DGKH: variants seen among roughly 807,000 people sequenced by gnomAD.
DGKH encodes the protein diacylglycerol kinase eta.
In DGKH, 90 loss-of-function variants were observed where a neutral mutation model predicts 159.3. The observed-to-expected ratio is 0.57, with a 90% CI of 0.48 to 0.67. DGKH has a LOEUF of 0.67. Among genes scored for constraint, DGKH ranks in the 30% least tolerant of loss-of-function variants. The probability of loss-of-function intolerance (pLI) is 0.00; values close to 1 mark genes in which losing one functional copy is unlikely to be tolerated. For synonymous variants in DGKH, 536 were observed against 553.8 expected, an observed-to-expected ratio of 0.97 and a Z score of 0.45; for missense variants, 1,181 against 1,506.1, an observed-to-expected ratio of 0.78 and a Z score of 3.57.
intron 7 of DGKH, among the ~76,000 whole-genome samples, chr13:42,161,417 G>C (rs1438305195): frequency 1.3e-5 from 2 of 152,176 alleles, no homozygotes; most frequent in African/African-American, 4.8e-5. Flanking sequence ...GGGAGGCCAA[G>C]GTGGGCGGAT....
intron 3 of DGKH, among the ~76,000 whole-genome samples, chr13:42,135,837 T>G (rs1955393132): frequency 6.6e-6 from 1 of 152,198 alleles, no homozygotes; most frequent in African/African-American, 2.4e-5. Flanking sequence ...ACAGAGTCCT[T>G]TCTATCTGGG....
In DGKH at chr13:42,095,020, A is replaced by T. The variant is rs965879262; in HGVS notation, c.193-32443A>T. On this transcript the variant is annotated intron_variant, in intron 1 of 29. Transcript: ENST00000337343. Reference sequence around the variant, plus strand: ...AGGAAAGGAAAAATTGGGCAGCAGGATATGAAGGGGCCATGGAAGGAGCGG... The same window carrying T: ...AGGAAAGGAAAAATTGGGCAGCAGGTTATGAAGGGGCCATGGAAGGAGCGG... Among the ~76,000 whole-genome samples the T allele has an allele frequency of 3.3e-5, 5 of 152,134 alleles. No homozygotes were observed. The East Asian group carries it at 5.8e-4, about 18-fold the overall frequency.
At chr13:42,045,957 T>C (rs984089761), upstream of DGKH, among the ~76,000 whole-genome samples, 1 of 152,190 alleles carries the variant, frequency 6.6e-6, no homozygotes, top group Non-Finnish European at 1.5e-5. Flanking sequence ...GACTTACACA[T>C]CTTCAGTCTA....
intron 12 of DGKH, 47 bp from the exon 13 acceptor site, chr13:42,178,088 A>G (rs1260709277): frequency 5.5e-6 from 8 of 1,458,484 alleles, no homozygotes; most frequent in Non-Finnish European, 6.6e-6. Context: ...AGTGAGTTGT[A>G]TAAATGCCAG....
chr13:42,170,232 C>T (rs1956413927), intron 11 of DGKH, among the ~76,000 whole-genome samples: 1 of 152,116 alleles, frequency 6.6e-6, no homozygotes. Flanking sequence ...TGGGTATGTG[C>T]TTTCCCCTCG....
At chr13:42,149,183 C>T (rs1955816172) in intron 3 of DGKH, among the ~76,000 whole-genome samples, 1 of 152,078 alleles carries the variant, frequency 6.6e-6, no homozygotes, top group South Asian at 2.1e-4. Context: ...CCCACGTTGG[C>T]CTCCTAAATT....
chr13:42,110,402 C>A (rs1249470528), intron 1 of DGKH, among the ~76,000 whole-genome samples: 1 of 152,166 alleles, frequency 6.6e-6, no homozygotes, highest in Non-Finnish European at 1.5e-5. Flanking sequence ...AAAAAACAAA[C>A]GTGATGTCTA....
intron 1 of DGKH, among the ~76,000 whole-genome samples, chr13:42,113,013 A>G (rs1301293048): frequency 3.3e-5 from 5 of 152,194 alleles, no homozygotes; most frequent in African/African-American, 1.2e-4. Context: ...TGTTCGGATC[A>G]TAGTTGAGTG....
chr13:42,159,935 T>C lies in DGKH; in HGVS notation c.730-76T>C, dbSNP rs560543755. The stretch of plus-strand genomic sequence containing the variant: ...ACTACTGACCCTCTAGAGTGAGAAA[T>C]GATTCAAAATCTCCCCTGGGGTAAG... On this transcript the variant is annotated intron_variant, in intron 6 of 29. Transcript: ENST00000337343. 11 of 1,606,512 alleles carry C rather than the reference T, an allele frequency of 6.8e-6. No homozygotes were observed. The South Asian group carries it at 1.2e-4, about 18-fold the overall frequency.
intron 1 of DGKH, among the ~76,000 whole-genome samples, chr13:42,050,398 A>G (rs566420789): frequency 6.6e-6 from 1 of 152,220 alleles, no homozygotes; most frequent in Middle Eastern, 3.4e-3. Context: ...CTGCCTCCTT[A>G]TTTTCTGAAA....
chr13:42,172,636 G>T (rs1956491888), intron 11 of DGKH, among the ~76,000 whole-genome samples: 2 of 152,070 alleles, frequency 1.3e-5, no homozygotes, highest in Admixed American at 1.3e-4. Context: ...TTAAGGTACT[G>T]CTTTTATTAT....
In DGKH at chr13:42,048,690, G is replaced by A. The variant is rs1880976090; in HGVS notation, c.-84G>A. On this transcript the variant is annotated 5_prime_UTR_variant, in exon 1 of 30. Coordinates refer to ENST00000337343, the MANE Select transcript of DGKH (RefSeq NM_178009.5). The surrounding 1 kb of genome is among the most constrained non-coding windows in gnomAD (Gnocchi z 6.7). The stretch of plus-strand genomic sequence containing the variant: ...GGCGGCGGCCGGGCACGGGGTTCCG[G>A]GCTCCGCTCGGGCAGAGCCCACCCG... 2 of 1,220,684 alleles carry A rather than the reference G, an allele frequency of 1.6e-6. No homozygotes were observed. The highest frequency in any genetic ancestry group is 6.6e-5 in the East Asian group (2 of 30,152). 75.6% of individuals were successfully genotyped at this position (1,220,684 alleles called of 1,614,324 possible).
chr13:42,228,548 G>A (rs1958195636), intron 29 of DGKH, among the ~76,000 whole-genome samples: 1 of 151,940 alleles, frequency 6.6e-6, no homozygotes. Flanking sequence ...GACTAATTGT[G>A]GGTGCCCTGC....
intron 13 of DGKH, among the ~76,000 whole-genome samples, chr13:42,183,175 GC>G (rs1956821415): frequency 6.6e-6 from 1 of 152,010 alleles, no homozygotes. Context: ...TGTAGTCCTA[GC>G]TACTCAGGAG....
At chr13:42,110,517 A>G (rs926143125) in intron 1 of DGKH, among the ~76,000 whole-genome samples, 4 of 152,214 alleles carry the variant, frequency 2.6e-5, no homozygotes, top group Non-Finnish European at 4.4e-5. Flanking sequence ...ATGTGTGGGC[A>G]AAGGGATTAT....
At chr13:42,220,070 G>C (rs1957927082) in intron 28 of DGKH, among the ~76,000 whole-genome samples, 1 of 152,058 alleles carries the variant, frequency 6.6e-6, no homozygotes, top group South Asian at 2.1e-4. Flanking sequence ...AAAATGAAGT[G>C]GTTGCTAATT....
At chr13:42,088,449 T>C (rs1430297641) in intron 1 of DGKH, among the ~76,000 whole-genome samples, 1 of 152,152 alleles carries the variant, frequency 6.6e-6, no homozygotes, top group East Asian at 1.9e-4. Flanking sequence ...CTGGGGCTTA[T>C]AAACTTGTGA....
chr13:42,084,418 G>A (rs1192617513), intron 1 of DGKH, among the ~76,000 whole-genome samples: 9 of 151,968 alleles, frequency 5.9e-5, no homozygotes, highest in Non-Finnish European at 1.2e-4. Context: ...AAGAGTGCTT[G>A]TGTGTTTTTA....
intron 1 of DGKH, among the ~76,000 whole-genome samples, chr13:42,108,465 C>T (rs1265772752): frequency 1.3e-5 from 2 of 152,054 alleles, no homozygotes; most frequent in African/African-American, 4.8e-5. Context: ...TTTGGAATTC[C>T]GTATAGAGTG....
Sources: gnomAD v4.1 joint callset for allele counts (sites outside exome capture counted in the v4.1 genomes callset) on GRCh38, gnomAD v4.1.1 for gene constraint, Gnocchi (gnomAD v3.1) non-coding constraint, MANE v1.5 for transcripts, NCBI Gene and HGNC (gene_info 2026-07-23, HGNC 2026-07-21) for gene names.